PA2G4: variants seen among roughly 807,000 people sequenced by gnomAD.
PA2G4 encodes proliferation-associated 2G4, also known as proliferation-associated protein 2G4.
PA2G4 carries 8 observed loss-of-function variants against 53.3 expected under a neutral mutation model. The observed-to-expected ratio is 0.15, with a 90% CI of 0.09 to 0.27. The LOEUF is 0.27. Among genes scored for constraint, PA2G4 ranks in the 10% least tolerant of loss-of-function variants. The pLI, the probability that PA2G4 is intolerant of heterozygous loss-of-function variation, is 1.00. For synonymous variants in PA2G4, 143 were observed against 169.8 expected, an observed-to-expected ratio of 0.84 and a Z score of 1.23; for missense variants, 208 against 486.8, an observed-to-expected ratio of 0.43 and a Z score of 5.39.
intron 1 of PA2G4, among the ~76,000 whole-genome samples, chr12:56,105,418 C>T (rs541599435): frequency 1.6e-4 from 24 of 152,336 alleles, no homozygotes; most frequent in African/African-American, 5.5e-4. Context: ...CCCCTTCTAC[C>T]TTGGGCCAGC....
chr12:56,109,158 G>C, intron 5 of PA2G4, 72 bp from the exon 6 acceptor site: 1 of 828,162 alleles, frequency 1.2e-6, no homozygotes, highest in Non-Finnish European at 2.0e-6. Context: ...GTTCTTTTAT[G>C]CTTCTTATTC....
Position 56,104,670 on chromosome 12 carries a change from G to A in PA2G4, c.-68G>A, listed in dbSNP as rs1869249598. The A allele has an allele frequency of 7.1e-7, 1 of 1,402,082 alleles. No individual in the cohort carries two copies. Among genetic ancestry groups the A allele is most frequent in the Non-Finnish European group, 1.0e-6 (1 of 986,734 alleles). 86.9% of individuals were successfully genotyped at this position (1,402,082 alleles called of 1,614,324 possible). A position where few individuals can be genotyped will look rare whatever the true frequency, so the allele number is the denominator to read the frequency against. On this transcript the variant is annotated 5_prime_UTR_variant, in exon 1 of 13. Coordinates refer to ENST00000303305, the MANE Select transcript of PA2G4 (RefSeq NM_006191.3). ...CGAGGGGACTCTGACCACAGCCTGTGGCTGGGAAGGGAGACAGAGGCGGCG... is the reference window on the plus strand; with the variant it reads ...CGAGGGGACTCTGACCACAGCCTGTAGCTGGGAAGGGAGACAGAGGCGGCG...
intron 12 of PA2G4, 133 bp downstream of exon 12, chr12:56,111,662 T>C: frequency 1.4e-6 from 1 of 706,550 alleles, no homozygotes; most frequent in South Asian, 1.9e-5. Flanking sequence ...TTTGTCCCAG[T>C]AAACCCATCA....
At position 56,113,566 on chromosome 12, in the gene PA2G4, C is replaced by T. The variant is rs1869477025; in HGVS notation, c.*678C>T. On this transcript the variant is annotated 3_prime_UTR_variant, in exon 13 of 13. Transcript: ENST00000303305. ...GCTGTAAAGAAATAATCCATCTCAACCTTACCCTTTTTCTCTGGAGTCAGT... is the reference window on the plus strand; with the variant it reads ...GCTGTAAAGAAATAATCCATCTCAATCTTACCCTTTTTCTCTGGAGTCAGT... 5 of 420,424 alleles carry T rather than the reference C, an allele frequency of 1.2e-5. No individual in the cohort carries two copies. In the South Asian group the frequency reaches 2.5e-4, roughly 21 times the overall value. The allele number at this position is 420,424 out of a possible 1,614,324, so 26.0% of individuals were successfully genotyped here.
At chr12:56,110,505 AG>A in intron 8 of PA2G4, 28 bp downstream of exon 8, 2 of 1,613,884 alleles carry the variant, frequency 1.2e-6, no homozygotes, top group Non-Finnish European at 1.7e-6. Context: ...GTTGGCAAAG[AG>A]GGGTGACTGA....
intron 5 of PA2G4, among the ~76,000 whole-genome samples, chr12:56,108,778 C>G (rs1265966344): frequency 6.6e-6 from 1 of 152,254 alleles, no homozygotes; most frequent in East Asian, 1.9e-4. Flanking sequence ...GATAATCAAG[C>G]TATGAAATGA....
At chr12:56,109,337 T>G in intron 6 of PA2G4, 44 bp downstream of exon 6, 6 of 1,485,490 alleles carry the variant, frequency 4.0e-6, no homozygotes, top group Non-Finnish European at 4.7e-6. Context: ...ATGAGTGGCT[T>G]TGCCAGGTGC....
At position 56,104,674 on chromosome 12, in the gene PA2G4, G is replaced by T; in HGVS notation, c.-64G>T. The T allele has an allele frequency of 7.0e-7, 1 of 1,421,162 alleles. No homozygotes were observed. Among genetic ancestry groups the T allele is most frequent in the Non-Finnish European group, 1.0e-6 (1 of 1,004,122 alleles). The allele number at this position is 1,421,162 out of a possible 1,614,324, so 88.0% of individuals were successfully genotyped here. A position where few individuals can be genotyped will look rare whatever the true frequency, so the allele number is the denominator to read the frequency against. ...GGGACTCTGACCACAGCCTGTGGCT[G>T]GGAAGGGAGACAGAGGCGGCGGCGG... On this transcript the variant is annotated 5_prime_UTR_variant, in exon 1 of 13. Coordinates refer to ENST00000303305, the MANE Select transcript of PA2G4 (RefSeq NM_006191.3).
intron 11 of PA2G4, 28 bp from the exon 12 acceptor site, chr12:56,111,448 A>C (rs201505740): frequency 6.2e-7 from 1 of 1,611,898 alleles, no homozygotes; most frequent in Non-Finnish European, 8.5e-7. Flanking sequence ...ATTTCTCAAA[A>C]TTTTTTTCCC....
At chr12:56,109,819 C>G (rs778330365) in intron 6 of PA2G4, 38 bp from the exon 7 acceptor site, 3 of 1,500,310 alleles carry the variant, frequency 2.0e-6, no homozygotes, top group Non-Finnish European at 2.8e-6. Context: ...TTTTGGGATA[C>G]TGGATAGCTT....
intron 1 of PA2G4, 65 bp from the exon 2 acceptor site, chr12:56,106,523 A>T (rs73125228): frequency 0.02 from 28,802 of 1,438,184 alleles, 330 homozygotes; most frequent in Non-Finnish European, 0.023. Context: ...ACTTCCAGGT[A>T]TTCCTTGGGT....
At position 56,112,734 on chromosome 12, in the gene PA2G4, G is replaced by GA. The variant is rs199502724; in HGVS notation, c.1120-80dup. The GA allele has an allele frequency of 2.2e-3, 1,980 of 897,990 alleles. 2 individuals are homozygous for GA. Among genetic ancestry groups the GA allele is most frequent in the Middle Eastern group, 8.8e-3 (40 of 4,568 alleles). 55.6% of individuals were successfully genotyped at this position (897,990 alleles called of 1,614,324 possible). A position where few individuals can be genotyped will look rare whatever the true frequency, so the allele number is the denominator to read the frequency against. The stretch of plus-strand genomic sequence containing the variant: ...TGGAAAACAGAGTGAGACTGTCTCA[G>GA]AAAAAAAAATACTTTTATCTCTGGT... On this transcript the variant is annotated intron_variant, in intron 12 of 12. Coordinates refer to ENST00000303305, the MANE Select transcript of PA2G4 (RefSeq NM_006191.3).
chr12:56,110,777 G>A, intron 9 of PA2G4, 85 bp downstream of exon 9: 1 of 1,536,706 alleles, frequency 6.5e-7, no homozygotes, highest in East Asian at 2.3e-5. Flanking sequence ...TTCCTGCCTA[G>A]ACTTGTAGCG....
In PA2G4 at chr12:56,107,346, T is replaced by A. The variant is rs535468565; in HGVS notation, c.393+90T>A. On this transcript the variant is annotated intron_variant, in intron 4 of 12. Transcript: ENST00000303305. The stretch of plus-strand genomic sequence containing the variant: ...CTTATCCCCACCCCCAATCACCACG[T>A]AAGTTGAGAGAGTCTCTAGAGAAGC... The A allele has an allele frequency of 7.7e-5, 88 of 1,138,282 alleles. No homozygotes were observed. The South Asian group carries it at 9.5e-4, about 12-fold the overall frequency. The allele number at this position is 1,138,282 out of a possible 1,614,324, so 70.5% of individuals were successfully genotyped here. A position where few individuals can be genotyped will look rare whatever the true frequency, so the allele number is the denominator to read the frequency against.
chr12:56,107,342 C>A, intron 4 of PA2G4, 86 bp downstream of exon 4: 1 of 1,158,576 alleles, frequency 8.6e-7, no homozygotes, highest in Non-Finnish European at 1.3e-6. Flanking sequence ...CCCCAATCAC[C>A]ACGTAAGTTG....
chr12:56,110,901 G>A, intron 9 of PA2G4, 63 bp from the exon 10 acceptor site: 1 of 1,500,696 alleles, frequency 6.7e-7, no homozygotes, highest in Non-Finnish European at 9.2e-7. Context: ...TTTAAAATAT[G>A]AGCAAAATGG....
chr12:56,107,362 C>A, intron 4 of PA2G4, 106 bp downstream of exon 4: 1 of 1,086,458 alleles, frequency 9.2e-7, no homozygotes, highest in Non-Finnish European at 1.4e-6. Flanking sequence ...GAGAGAGTCT[C>A]TAGAGAAGCA....
At chr12:56,104,887 G>A (rs1869259570) in intron 1 of PA2G4, 62 bp downstream of exon 1, 2 of 1,399,054 alleles carry the variant, frequency 1.4e-6, no homozygotes, top group East Asian at 4.6e-5. Context: ...AGGCTGGCCC[G>A]GAAGGGGCTG....
chr12:56,111,097 T>G, intron 10 of PA2G4, 39 bp downstream of exon 10: 1 of 1,612,660 alleles, frequency 6.2e-7, no homozygotes. Flanking sequence ...ATTCCCTGAT[T>G]ATAAGATATC....
Sources: allele counts gnomAD v4.1 joint callset (sites outside exome capture counted in the v4.1 genomes callset), GRCh38; gene constraint gnomAD v4.1.1; transcripts MANE v1.5; gene names NCBI Gene and HGNC (gene_info 2026-07-23, HGNC 2026-07-21).